Variants in WDR31 observed in about 807,000 individuals in gnomAD.
The protein encoded by WDR31 is WD repeat domain 31, also known as WD repeat-containing protein 31.
In WDR31, 30 loss-of-function variants were observed where a neutral mutation model predicts 47.3. The observed-to-expected ratio is 0.63, with a 90% CI of 0.47 to 0.86. The LOEUF is 0.86. Ranked by LOEUF, WDR31 falls within the 40% of genes least tolerant of loss-of-function variation. The pLI, the probability that WDR31 is intolerant of heterozygous loss-of-function variation, is 0.00. For missense variants in WDR31, 406 were observed against 442.9 expected (o/e 0.92, Z 0.75); for synonymous variants, 137 against 159.4 (o/e 0.86, Z 1.06).
At chr9:113,339,657 G>GT (rs1182590319) in intron 1 of WDR31, among the ~76,000 whole-genome samples, 3 of 152,154 alleles carry the variant, frequency 2.0e-5, no homozygotes, top group African/African-American at 7.2e-5. Context: ...CTTGTGTGCA[G>GT]TTTTTCCTTT....
At chr9:113,322,356 T>G (rs1833342593) in intron 7 of WDR31, among the ~76,000 whole-genome samples, 1 of 152,098 alleles carries the variant, frequency 6.6e-6, no homozygotes, top group Non-Finnish European at 1.5e-5. Context: ...TTTATACCAG[T>G]CTGCTACTAG....
chr9:113,322,704 C>A lies in WDR31; in HGVS notation c.570+107G>T. The A allele has an allele frequency of 2.7e-6, 3 of 1,123,990 alleles. 1 individual carries two copies. The highest frequency in any genetic ancestry group is 1.5e-5 in the South Asian group (1 of 65,820). 69.6% of individuals were successfully genotyped at this position (1,123,990 alleles called of 1,614,324 possible). A position where few individuals can be genotyped will look rare whatever the true frequency, so the allele number is the denominator to read the frequency against. ...CAGGTTAGGGGACAGCAATTGGGAC[C>A]CAGGCTCTAATTTCTGCTCATGGGC... is the stretch of plus-strand genomic sequence containing the variant. On this transcript the variant is annotated intron_variant, in intron 7 of 10. Coordinates refer to ENST00000374193, the MANE Select transcript of WDR31 (RefSeq NM_001012361.4).
rs371965709 is a variant in WDR31 at position 113,322,796 on chromosome 9, A to G, written c.570+15T>C. ...CTTTCTGCTGCCCTGTTCTGTACCAAGTTTGAGTTCATACCACGTTCCTGG... is the reference window on the plus strand; with the variant it reads ...CTTTCTGCTGCCCTGTTCTGTACCAGGTTTGAGTTCATACCACGTTCCTGG... On this transcript the variant is annotated intron_variant, in intron 7 of 10. Transcript: ENST00000374193. 1.6e-4 allele frequency: 251 copies of G among 1,613,322 alleles called. No individual in the cohort carries two copies. Among genetic ancestry groups the G allele is most frequent in the Middle Eastern group, 3.3e-4 (2 of 6,004 alleles).
intron 5 of WDR31, among the ~76,000 whole-genome samples, chr9:113,327,164 T>C (rs956359573): frequency 1.3e-5 from 2 of 152,348 alleles, no homozygotes; most frequent in South Asian, 2.1e-4. Context: ...TCTTGTTTCA[T>C]AGAGTACATG....
intron 10 of WDR31, 148 bp from the exon 11 acceptor site, chr9:113,317,057 AC>A: frequency 9.8e-7 from 1 of 1,019,824 alleles, no homozygotes; most frequent in Non-Finnish European, 1.4e-6. Context: ...AGGAAAGCAT[AC>A]CAGGGAGGTC....
chr9:113,330,000 AAAAAT>A (rs1304974477), intron 4 of WDR31, among the ~76,000 whole-genome samples: 2 of 152,156 alleles, frequency 1.3e-5, no homozygotes, highest in African/African-American at 4.8e-5. Flanking sequence ...ATAATATAAT[AAAAAT>A]AAAATAAAAT....
At chr9:113,332,598 T>C (rs1244749959) in intron 2 of WDR31, among the ~76,000 whole-genome samples, 1 of 152,100 alleles carries the variant, frequency 6.6e-6, no homozygotes, top group Admixed American at 6.5e-5. Context: ...AGTTGGCAAA[T>C]CTATAGAGAC....
intron 1 of WDR31, among the ~76,000 whole-genome samples, chr9:113,339,383 T>C (rs1193405907): frequency 6.6e-6 from 1 of 152,144 alleles, no homozygotes; most frequent in Non-Finnish European, 1.5e-5. Context: ...AATGCTGATA[T>C]CTTATCTCCC....
chr9:113,335,640 T>A (rs561277945), intron 2 of WDR31, among the ~76,000 whole-genome samples: 1 of 152,178 alleles, frequency 6.6e-6, no homozygotes, highest in African/African-American at 2.4e-5. Flanking sequence ...TTTTGAGAAG[T>A]TGCTAGAATT....
At chr9:113,328,611 G>A (rs1833527921) in intron 5 of WDR31, among the ~76,000 whole-genome samples, 1 of 152,184 alleles carries the variant, frequency 6.6e-6, no homozygotes, top group Admixed American at 6.5e-5. Flanking sequence ...GTTGAGTCAG[G>A]ATAGGTCAAG....
chr9:113,331,591 C>T (rs2118841310), intron 3 of WDR31, among the ~76,000 whole-genome samples: 2 of 152,322 alleles, frequency 1.3e-5, no homozygotes, highest in Middle Eastern at 6.8e-3. Flanking sequence ...GGACTACAGG[C>T]TCATGCCATT....
At chr9:113,333,120 CAA>C (rs769658467) in intron 2 of WDR31, among the ~76,000 whole-genome samples, 1 of 151,840 alleles carries the variant, frequency 6.6e-6, no homozygotes, top group Non-Finnish European at 1.5e-5. Context: ...CACAAACAAA[CAA>C]AGAGGCAGAG....
At chr9:113,329,878 A>C (rs1231068827) in intron 4 of WDR31, among the ~76,000 whole-genome samples, 1 of 151,808 alleles carries the variant, frequency 6.6e-6, no homozygotes, top group Admixed American at 6.6e-5. Context: ...CTACTTGGGA[A>C]GCTGAGGCTG....
At chr9:113,327,808 C>T (rs141145377) in intron 5 of WDR31, among the ~76,000 whole-genome samples, 2,276 of 152,180 alleles carry the variant, frequency 0.015, 52 homozygotes, top group African/African-American at 0.051. Context: ...AAAAATTAGC[C>T]GGGTGTGGTG....
At chr9:113,321,334 A>T in intron 8 of WDR31, 177 bp downstream of exon 8, 2 of 622,108 alleles carry the variant, frequency 3.2e-6, no homozygotes, top group Non-Finnish European at 2.8e-6. Context: ...CACAACCTCT[A>T]CCTTAATGAT....
At chr9:113,336,126 A>G (rs1833712046) in intron 2 of WDR31, among the ~76,000 whole-genome samples, 162 bp downstream of exon 2, 1 of 152,214 alleles carries the variant, frequency 6.6e-6, no homozygotes. Context: ...CATCAAACCA[A>G]TGACAGATGC....
chr9:113,336,525 A>G (rs1043327931), intron 1 of WDR31, 85 bp from the exon 2 acceptor site: 3 of 152,252 alleles, frequency 2.0e-5, no homozygotes, highest in Admixed American at 6.5e-5. Flanking sequence ...AGAAAGAAAT[A>G]TTTTACAAAA....
At chr9:113,323,930 G>A (rs2118800596) in intron 5 of WDR31, among the ~76,000 whole-genome samples, 1 of 152,232 alleles carries the variant, frequency 6.6e-6, no homozygotes, top group Non-Finnish European at 1.5e-5. Flanking sequence ...AACTTTGCTT[G>A]ATATTATTAT....
chr9:113,324,129 C>T (rs1228141136), intron 5 of WDR31, among the ~76,000 whole-genome samples: 1 of 151,940 alleles, frequency 6.6e-6, no homozygotes, highest in African/African-American at 2.4e-5. Flanking sequence ...TGTTGTGTAA[C>T]CATCACCACT....
Sources: allele counts gnomAD v4.1 joint callset (sites outside exome capture counted in the v4.1 genomes callset), GRCh38; gene constraint gnomAD v4.1.1; transcripts MANE v1.5; gene names NCBI Gene and HGNC (gene_info 2026-07-23, HGNC 2026-07-21).